UBE3D: variants seen among roughly 807,000 people sequenced by gnomAD.
UBE3D encodes E3 ubiquitin-protein ligase E3D.
A neutral mutation model predicts 49.6 loss-of-function variants in UBE3D; 48 were observed. That is an observed-to-expected ratio of 0.97 (90% confidence interval 0.77 to 1.23). The LOEUF is 1.23. Among genes scored for constraint, UBE3D ranks in the 50% most tolerant of loss-of-function variants. The pLI is 0.00. For missense variants in UBE3D, 452 were observed against 468.4 expected, an observed-to-expected ratio of 0.96 and a Z score of 0.32; for synonymous variants, 189 against 174.2, an observed-to-expected ratio of 1.08 and a Z score of -0.67.
At chr6:82,943,192 C>T (rs1464489933) in intron 9 of UBE3D, among the ~76,000 whole-genome samples, 1 of 152,218 alleles carries the variant, frequency 6.6e-6, no homozygotes, top group Non-Finnish European at 1.5e-5. Flanking sequence ...AATTTCTCCC[C>T]TGTGGAATGG....
intron 4 of UBE3D, among the ~76,000 whole-genome samples, chr6:83,040,254 C>T (rs1782567874): frequency 6.6e-6 from 1 of 151,826 alleles, no homozygotes; most frequent in Admixed American, 6.6e-5. Context: ...CGTCGTGGTG[C>T]GCGCTTGTAG....
chr6:83,063,428 A>G (rs1784302013), intron 1 of UBE3D, among the ~76,000 whole-genome samples: 1 of 150,574 alleles, frequency 6.6e-6, no homozygotes, highest in Non-Finnish European at 1.5e-5. Context: ...AAAAAAAAAA[A>G]AAAAAAAAAG....
chr6:82,998,363 A>C lies in UBE3D; in HGVS notation c.1010+20610T>G, dbSNP rs142789081. On this transcript the variant is annotated intron_variant, in intron 8 of 9. Transcript: ENST00000369747. Reference sequence around the variant, plus strand: ...TTTCAACCTTAATGTCTAAAATAAAAGCAGAACCACAGGAACACTGCAGTT... The same window carrying C: ...TTTCAACCTTAATGTCTAAAATAAACGCAGAACCACAGGAACACTGCAGTT... 2.6e-3 allele frequency among the ~76,000 whole-genome samples: 391 copies of C among 152,356 alleles called. 2 individuals are homozygous for C. The highest frequency in any genetic ancestry group is 9.0e-3 in the African/African-American group (376 of 41,586).
chr6:83,024,205 T>C (rs1039543300), intron 5 of UBE3D, among the ~76,000 whole-genome samples, 167 bp from the exon 6 acceptor site: 15 of 152,170 alleles, frequency 9.9e-5, no homozygotes, highest in East Asian at 3.9e-4. Flanking sequence ...AGACAAAGCA[T>C]TGGTCACTAC....
At chr6:82,921,038 C>T (rs985201951) in intron 9 of UBE3D, among the ~76,000 whole-genome samples, 1 of 151,384 alleles carries the variant, frequency 6.6e-6, no homozygotes, top group Non-Finnish European at 1.5e-5. Flanking sequence ...TCACTGCAAC[C>T]TTAACTGCCA....
intron 8 of UBE3D, among the ~76,000 whole-genome samples, chr6:82,992,841 T>C (rs1778985589): frequency 6.6e-6 from 1 of 152,162 alleles, no homozygotes. Flanking sequence ...AGCTTACTTC[T>C]ATTTGAGTCC....
chr6:82,904,660 A>T (rs1771969968), intron 9 of UBE3D, among the ~76,000 whole-genome samples: 2 of 152,198 alleles, frequency 1.3e-5, no homozygotes, highest in Admixed American at 1.3e-4. Flanking sequence ...ATTGCTGCAG[A>T]TGCATCTCTT....
intron 9 of UBE3D, among the ~76,000 whole-genome samples, chr6:82,951,934 T>C (rs1015182530): frequency 1.4e-4 from 21 of 152,168 alleles, no homozygotes; most frequent in Admixed American, 6.5e-4. Flanking sequence ...TAAGGGTCTT[T>C]AGAGATAGAA....
chr6:82,970,893 C>G (rs1175369133), intron 8 of UBE3D, among the ~76,000 whole-genome samples: 2 of 151,990 alleles, frequency 1.3e-5, no homozygotes, highest in Non-Finnish European at 2.9e-5. Context: ...TAGGGACTCT[C>G]TCTCCTCAAC....
chr6:82,986,545 G>GC (rs1489623847), intron 8 of UBE3D, among the ~76,000 whole-genome samples: 1 of 126,584 alleles, frequency 7.9e-6, no homozygotes, highest in Non-Finnish European at 1.6e-5. Flanking sequence ...CCTCATACAT[G>GC]TTTTTTACAC....
intron 3 of UBE3D, among the ~76,000 whole-genome samples, chr6:83,046,734 T>G (rs1783086325): frequency 6.7e-6 from 1 of 149,820 alleles, no homozygotes; most frequent in Admixed American, 6.7e-5. Flanking sequence ...TTAAGAAAAG[T>G]GTTAGCCTCT....
chr6:82,896,230 A>T (rs6937670), intron 9 of UBE3D, among the ~76,000 whole-genome samples: 17,034 of 152,148 alleles, frequency 0.11, 1,341 homozygotes, highest in African/African-American at 0.21. Context: ...CATTTATTTT[A>T]AGAGAGGATA....
At chr6:82,941,259 C>A (rs1007116416) in intron 9 of UBE3D, among the ~76,000 whole-genome samples, 2 of 151,402 alleles carry the variant, frequency 1.3e-5, no homozygotes, top group African/African-American at 4.9e-5. Context: ...TCCCAGTGAT[C>A]TTAATTTTCT....
At chr6:82,893,082 A>C in intron 9 of UBE3D, 40 bp from the exon 10 acceptor site, 1 of 1,610,702 alleles carries the variant, frequency 6.2e-7, no homozygotes, top group East Asian at 2.2e-5. Context: ...TTACTTCTAT[A>C]ATATGACAAA....
intron 5 of UBE3D, among the ~76,000 whole-genome samples, chr6:83,029,935 G>A (rs913978736): frequency 4.6e-5 from 7 of 152,154 alleles, no homozygotes; most frequent in Non-Finnish European, 1.0e-4. Flanking sequence ...AGCCAGTAAG[G>A]CTTCTTACGA....
intron 9 of UBE3D, among the ~76,000 whole-genome samples, chr6:82,900,329 T>C (rs9449554): frequency 0.17 from 26,306 of 152,154 alleles, 3,761 homozygotes; most frequent in African/African-American, 0.39. Context: ...TAAAGGAAAC[T>C]ATGCCCAGTC....
At chr6:83,038,264 T>C (rs889271884) in intron 5 of UBE3D, 152 bp downstream of exon 5, 18 of 599,062 alleles carry the variant, frequency 3.0e-5, no homozygotes, top group Admixed American at 2.3e-4. Context: ...CTTGGTATAT[T>C]GGATGGTATG....
chr6:83,010,269 G>A (rs1780248995), intron 8 of UBE3D, among the ~76,000 whole-genome samples: 1 of 151,982 alleles, frequency 6.6e-6, no homozygotes, highest in Non-Finnish European at 1.5e-5. Flanking sequence ...AGAAAGAAAT[G>A]ACACAGAGAG....
At chr6:82,984,523 G>T (rs1190793230) in intron 8 of UBE3D, among the ~76,000 whole-genome samples, 1 of 152,092 alleles carries the variant, frequency 6.6e-6, no homozygotes, top group Non-Finnish European at 1.5e-5. Flanking sequence ...CAAAGTATGA[G>T]ATTTCCCATT....
Sources: allele counts gnomAD v4.1 joint callset (sites outside exome capture counted in the v4.1 genomes callset), GRCh38; gene constraint gnomAD v4.1.1; transcripts MANE v1.5; gene names NCBI Gene and HGNC (gene_info 2026-07-23, HGNC 2026-07-21).